The following NRXN1 variants were observed in gnomAD, a reference collection of about 807,000 sequenced individuals.
NRXN1 encodes the protein neurexin 1, also known as neurexin-1.
Under a neutral mutation model 150.9 loss-of-function variants are expected in NRXN1, and 39 were observed. That is an observed-to-expected ratio of 0.26 (90% CI 0.20 to 0.34). The LOEUF (loss-of-function observed/expected upper bound fraction) is 0.34, where lower values mean the gene tolerates loss of function less well. Among genes scored for constraint, NRXN1 ranks in the 10% least tolerant of loss-of-function variants. The pLI, the probability that NRXN1 is intolerant of heterozygous loss-of-function variation, is 1.00. For missense variants in NRXN1, 1,815 were observed against 1,949.9 expected (o/e 0.93, Z 1.30); for synonymous variants, 924 against 757.0 (o/e 1.22, Z -3.62).
chr2:50,237,971 C>A (rs2065631039), intron 17 of NRXN1, among the ~76,000 whole-genome samples: 2 of 151,956 alleles, frequency 1.3e-5, no homozygotes. Context: ...CCTACACACA[C>A]TTCTGTCTCT....
chr2:50,111,412 C>T (rs980477581), intron 18 of NRXN1, among the ~76,000 whole-genome samples: 1 of 151,998 alleles, frequency 6.6e-6, no homozygotes, highest in Non-Finnish European at 1.5e-5. Context: ...GAGGTTGAGG[C>T]GGGCAGATCA....
intron 5 of NRXN1, among the ~76,000 whole-genome samples, chr2:50,692,839 T>G (rs116324869): frequency 0.015 from 2,342 of 152,276 alleles, 54 homozygotes; most frequent in African/African-American, 0.053. Context: ...AATCATTGTT[T>G]CTTCATCTAT....
intron 8 of NRXN1, among the ~76,000 whole-genome samples, chr2:50,578,350 T>G (rs1671747082): frequency 6.6e-6 from 1 of 152,108 alleles, no homozygotes; most frequent in East Asian, 1.9e-4. Context: ...TTGATAGGGG[T>G]ACTTAGGAGG....
chr2:50,376,046 T>TATATATACACAC (rs1553516368), intron 17 of NRXN1, among the ~76,000 whole-genome samples: 1 of 148,632 alleles, frequency 6.7e-6, no homozygotes, highest in Admixed American at 6.8e-5. Flanking sequence ...CATATATATA[T>TATATATACACAC]ACACACACAC....
chr2:50,343,455 A>G (rs538368510), intron 17 of NRXN1, among the ~76,000 whole-genome samples: 2 of 147,118 alleles, frequency 1.4e-5, no homozygotes, highest in African/African-American at 5.4e-5. Context: ...TTCTCCCTCT[A>G]TTTAACTAGA....
chr2:50,359,802 T>A (rs1459583828), intron 17 of NRXN1, among the ~76,000 whole-genome samples: 1 of 151,800 alleles, frequency 6.6e-6, no homozygotes, highest in Non-Finnish European at 1.5e-5. Flanking sequence ...AAACACATAA[T>A]CATCAGATTC....
intron 17 of NRXN1, among the ~76,000 whole-genome samples, chr2:50,306,324 T>C (rs2074606954): frequency 2.0e-5 from 3 of 152,208 alleles, no homozygotes; most frequent in Admixed American, 2.0e-4. Context: ...ATATTTACAC[T>C]GATTAATTCA....
intron 12 of NRXN1, among the ~76,000 whole-genome samples, chr2:50,515,701 A>T (rs1334676809): frequency 6.6e-6 from 1 of 151,506 alleles, no homozygotes; most frequent in Non-Finnish European, 1.5e-5. Flanking sequence ...CAACTTTTCC[A>T]GGTACTAACA....
chr2:50,769,554 C>T (rs182768088), intron 5 of NRXN1, among the ~76,000 whole-genome samples: 1 of 152,138 alleles, frequency 6.6e-6, no homozygotes, highest in East Asian at 1.9e-4. Flanking sequence ...AGGTTTCTCA[C>T]CCCTCTGCAG....
In NRXN1 at chr2:50,999,655, G is replaced by A. The variant is rs547331011; in HGVS notation, c.772+27847C>T. The stretch of plus-strand genomic sequence containing the variant: ...AGAACCTACGTGAAATATCGGGGGT[G>A]AATTTCGACTGATAGGGAATGACCT... On this transcript the variant is annotated intron_variant, in intron 2 of 22. Coordinates refer to ENST00000401669, the MANE Select transcript of NRXN1 (RefSeq NM_001330078.2). Among the ~76,000 whole-genome samples the A allele has an allele frequency of 4.7e-4, 72 of 152,072 alleles. No individual in the cohort carries two copies. The Middle Eastern group carries it at 0.02, about 43-fold the overall frequency.
chr2:49,923,596 A>G (rs1255680268), intron 22 of NRXN1, among the ~76,000 whole-genome samples: 1 of 152,174 alleles, frequency 6.6e-6, no homozygotes, highest in South Asian at 2.1e-4. Flanking sequence ...ATCATTTAGT[A>G]ATTAATTTTA....
chr2:50,879,612 T>C (rs1174426340), intron 5 of NRXN1, among the ~76,000 whole-genome samples: 1 of 151,832 alleles, frequency 6.6e-6, no homozygotes, highest in Non-Finnish European at 1.5e-5. Flanking sequence ...TAGGGGAGGA[T>C]AGGAGTTGGG....
chr2:50,922,958 C>G (rs1686290430), intron 3 of NRXN1, among the ~76,000 whole-genome samples: 1 of 151,874 alleles, frequency 6.6e-6, no homozygotes, highest in Non-Finnish European at 1.5e-5. Context: ...AAGAGCATGA[C>G]TTAAAATCCA....
intron 8 of NRXN1, among the ~76,000 whole-genome samples, chr2:50,557,289 C>G (rs969270229): frequency 2.0e-5 from 3 of 152,112 alleles, no homozygotes; most frequent in Admixed American, 2.0e-4. Context: ...GTCTTAACTT[C>G]ACTAACATGC....
intron 5 of NRXN1, among the ~76,000 whole-genome samples, chr2:50,906,748 C>G (rs1170555327): frequency 6.6e-6 from 1 of 152,038 alleles, no homozygotes; most frequent in African/African-American, 2.4e-5. Context: ...CATTATGCTT[C>G]TGCCTGAAAT....
At position 50,533,368 on chromosome 2, in the gene NRXN1, T is replaced by A. The variant is rs2093168986; in HGVS notation, c.2144-1938A>T. On this transcript the variant is annotated intron_variant, in intron 10 of 22. Transcript: ENST00000401669. ...ATTGGAATATTATTAAACTCTTGAT[T>A]TACTCCCTTCAAAAATGAACAAACT... is the stretch of plus-strand genomic sequence containing the variant. Among the ~76,000 whole-genome samples, 3 of 152,144 alleles carry A rather than the reference T, an allele frequency of 2.0e-5. No individual in the cohort carries two copies. The South Asian group carries it at 6.2e-4, about 31-fold the overall frequency.
chr2:49,991,632 A>C (rs986702457), intron 21 of NRXN1, among the ~76,000 whole-genome samples: 1 of 152,352 alleles, frequency 6.6e-6, no homozygotes, highest in East Asian at 1.9e-4. Flanking sequence ...TGGATATTCC[A>C]TGTTCATTAT....
chr2:50,653,702 G>A (rs1314375803), intron 5 of NRXN1, among the ~76,000 whole-genome samples: 1 of 152,012 alleles, frequency 6.6e-6, no homozygotes, highest in African/African-American at 2.4e-5. Flanking sequence ...ATTGCGTGAA[G>A]TATTAGTATA....
chr2:50,311,032 A>C (rs1015876041), intron 17 of NRXN1, among the ~76,000 whole-genome samples: 3 of 152,166 alleles, frequency 2.0e-5, no homozygotes, highest in African/African-American at 7.2e-5. Flanking sequence ...ATGACTATTA[A>C]AACTTTAGAT....
Sources: gnomAD v4.1 joint callset for allele counts (sites outside exome capture counted in the v4.1 genomes callset) on GRCh38, gnomAD v4.1.1 for gene constraint, MANE v1.5 for transcripts, NCBI Gene and HGNC (gene_info 2026-07-23, HGNC 2026-07-21) for gene names.